Variants in KIAA0513 observed in about 807,000 individuals in gnomAD.
The protein encoded by KIAA0513 is KIAA0513.
KIAA0513 carries 39 observed loss-of-function variants against 56.5 expected under a neutral mutation model. The ratio of observed to expected loss-of-function variants is 0.69; its 90% CI spans 0.53 to 0.90. The LOEUF (loss-of-function observed/expected upper bound fraction) is 0.90, where lower values mean the gene tolerates loss of function less well. KIAA0513 is among the 40% of genes least tolerant of loss of function. The pLI is 0.00. For missense variants in KIAA0513, 591 were observed against 535.2 expected (o/e 1.10, Z -1.03); for synonymous variants, 268 against 215.6 (o/e 1.24, Z -2.13).
chr16:85,040,441 G>T (rs1567521800), intron 1 of KIAA0513, among the ~76,000 whole-genome samples: 1 of 152,196 alleles, frequency 6.6e-6, no homozygotes, highest in South Asian at 2.1e-4. Context: ...GAGGTAGGAG[G>T]ATCGCTTGAA....
intron 12 of KIAA0513, 75 bp downstream of exon 12, chr16:85,087,241 T>C: frequency 1.7e-6 from 2 of 1,179,546 alleles, no homozygotes; most frequent in Non-Finnish European, 1.3e-6. Context: ...CCGCTGGCGC[T>C]TCTGCACTGC....
At chr16:85,070,988 A>C (rs1173216324) in intron 2 of KIAA0513, among the ~76,000 whole-genome samples, 1 of 152,240 alleles carries the variant, frequency 6.6e-6, no homozygotes, top group Non-Finnish European at 1.5e-5. Context: ...GCTGTTATTG[A>C]GAGTAAATAA....
intron 1 of KIAA0513, among the ~76,000 whole-genome samples, chr16:85,030,690 G>A (rs1225258336): frequency 6.6e-6 from 1 of 151,292 alleles, no homozygotes; most frequent in Non-Finnish European, 1.5e-5. Flanking sequence ...GTTGCAGTGA[G>A]CCTAGATCGC....
intron 4 of KIAA0513, 22 bp downstream of exon 4, chr16:85,073,020 A>G: frequency 6.2e-7 from 1 of 1,604,270 alleles, no homozygotes. Context: ...CGTGGCACAA[A>G]GCCTTTGTCC....
At chr16:85,034,970 C>T (rs2073014754) in intron 1 of KIAA0513, among the ~76,000 whole-genome samples, 2 of 152,338 alleles carry the variant, frequency 1.3e-5, no homozygotes, top group Admixed American at 1.3e-4. Flanking sequence ...TCACCGGAGA[C>T]AAGTGCTCTG....
intron 1 of KIAA0513, among the ~76,000 whole-genome samples, chr16:85,035,858 G>A (rs758229469): frequency 6.6e-6 from 1 of 151,756 alleles, no homozygotes; most frequent in African/African-American, 2.4e-5. Context: ...GCGGGTGCTC[G>A]TAGTCCAGCT....
At chr16:85,052,847 C>G (rs1053254699) in intron 1 of KIAA0513, among the ~76,000 whole-genome samples, 8 of 152,242 alleles carry the variant, frequency 5.3e-5, no homozygotes, top group African/African-American at 1.7e-4. Flanking sequence ...TGAGCTGCCT[C>G]TCAGTATCGT....
rs576584286 is a variant in KIAA0513, at chr16:85,044,063, C to G, written c.-173+16205C>G. On this transcript the variant is annotated intron_variant, in intron 1 of 12. Transcript: ENST00000683363. ...AAAAAAGAGAAATGCCTTACTTGAA[C>G]CTTCTTGCTTGTAGACTGGCATGAA... 2.9e-3 allele frequency among the ~76,000 whole-genome samples: 444 copies of G among 152,298 alleles called. 2 individuals carry two copies. The highest frequency in any genetic ancestry group is 6.4e-3 in the South Asian group (31 of 4,826).
At chr16:85,086,602 G>A (rs2073811551) in intron 10 of KIAA0513, 42 bp from the exon 11 acceptor site, 1 of 1,584,346 alleles carries the variant, frequency 6.3e-7, no homozygotes, top group South Asian at 1.1e-5. Context: ...GGCAAGGACA[G>A]CACCATCTGA....
intron 4 of KIAA0513, 85 bp downstream of exon 4, chr16:85,073,083 C>G: frequency 1.7e-6 from 2 of 1,149,424 alleles, no homozygotes; most frequent in Non-Finnish European, 2.6e-6. Flanking sequence ...CGTGTCATAA[C>G]CCAGCTGTGA....
In KIAA0513 at chr16:85,094,003, A is replaced by C. The variant is rs894954216; in HGVS notation, c.*5678A>C. ...GACATTACCTTGTTGGTAGCCCCCA[A>C]GTGGCGTGCAGTGACACCAGTATCT... On this transcript the variant is annotated 3_prime_UTR_variant, in exon 13 of 13. Coordinates refer to ENST00000683363, the MANE Select transcript of KIAA0513 (RefSeq NM_001388359.1). The C allele has an allele frequency of 6.6e-6, 1 of 152,158 alleles. No individual in the cohort carries two copies. Among genetic ancestry groups the C allele is most frequent in the Non-Finnish European group, 1.5e-5 (1 of 68,032 alleles). 9.4% of individuals were successfully genotyped at this position (152,158 alleles called of 1,614,324 possible).
chr16:85,066,016 G>T (rs977432409), intron 1 of KIAA0513, among the ~76,000 whole-genome samples: 1 of 152,230 alleles, frequency 6.6e-6, no homozygotes, highest in African/African-American at 2.4e-5. Context: ...GCATGGCTAC[G>T]GTGGTGCCAG....
Position 85,075,919 on chromosome 16 carries a change from G to A in KIAA0513, c.574+5G>A. On this transcript the variant is annotated splice_donor_5th_base_variant and intron_variant, in intron 5 of 12. Transcript: ENST00000683363. The stretch of plus-strand genomic sequence containing the variant: ...GCTTCACCTACTACCACATCGGTAA[G>A]ACATGGGTGGGCTGATGTGGGGCTC... The A allele has an allele frequency of 1.2e-6, 2 of 1,609,810 alleles. No individual in the cohort carries two copies. Among genetic ancestry groups the A allele is most frequent in the South Asian group, 2.2e-5 (2 of 90,966 alleles).
intron 1 of KIAA0513, among the ~76,000 whole-genome samples, chr16:85,057,768 TG>T (rs1338648047): frequency 3.4e-5 from 5 of 145,112 alleles, no homozygotes; most frequent in African/African-American, 5.6e-5. Flanking sequence ...TTTTTGTTTT[TG>T]TTTTTTTTTT....
chr16:85,052,343 ACAATAG>A (rs1324938924), intron 1 of KIAA0513, among the ~76,000 whole-genome samples: 2 of 151,260 alleles, frequency 1.3e-5, no homozygotes, highest in Admixed American at 1.3e-4. Context: ...AACAACAACA[ACAATAG>A]CAACAACAAA....
intron 1 of KIAA0513, among the ~76,000 whole-genome samples, chr16:85,050,098 A>G (rs533423244): frequency 3.3e-5 from 5 of 151,674 alleles, no homozygotes; most frequent in Non-Finnish European, 5.9e-5. Flanking sequence ...AACTCAGTCA[A>G]TGGTGATCGC....
intron 1 of KIAA0513, among the ~76,000 whole-genome samples, chr16:85,030,950 G>C (rs959792796): frequency 6.6e-6 from 1 of 151,264 alleles, no homozygotes; most frequent in African/African-American, 2.4e-5. Flanking sequence ...AGAAGTGTAG[G>C]TCTGGAATGA....
chr16:85,052,613 C>T lies in KIAA0513; in HGVS notation c.-172-14287C>T, dbSNP rs75142455. Among the ~76,000 whole-genome samples, 533 of 152,282 alleles carry T rather than the reference C, an allele frequency of 3.5e-3. 1 individual carries two copies. Among genetic ancestry groups the T allele is most frequent in the African/African-American group, 0.012 (514 of 41,556 alleles). On this transcript the variant is annotated intron_variant, in intron 1 of 12. Transcript: ENST00000683363. ...ATAGCAATGAGTATAGATTCTTGGA[C>T]GTGGCTAACCACAGTACTGCTGTGG...
At chr16:85,035,908 G>A (rs926165249) in intron 1 of KIAA0513, among the ~76,000 whole-genome samples, 2 of 151,748 alleles carry the variant, frequency 1.3e-5, no homozygotes, top group Admixed American at 6.6e-5. Flanking sequence ...GAACCTGGGA[G>A]GCAGAGCTTG....
Sources: gnomAD v4.1 joint callset for allele counts (sites outside exome capture counted in the v4.1 genomes callset) on GRCh38, gnomAD v4.1.1 for gene constraint, MANE v1.5 for transcripts, NCBI Gene and HGNC (gene_info 2026-07-23, HGNC 2026-07-21) for gene names.